The following ADGRE3 variants were observed in gnomAD, a reference collection of about 807,000 sequenced individuals.
The protein encoded by ADGRE3 is adhesion G protein-coupled receptor E3, also known as EGF-like module receptor 3.
Under a neutral mutation model 80.1 loss-of-function variants are expected in ADGRE3, and 88 were observed. That is an observed-to-expected ratio of 1.10 (90% CI 0.93 to 1.31). The LOEUF is 1.31. Ranked by LOEUF, ADGRE3 falls within the 40% of genes most tolerant of loss-of-function variation. The probability of loss-of-function intolerance (pLI) is 0.00; values close to 1 mark genes in which losing one functional copy is unlikely to be tolerated. For missense variants in ADGRE3, 715 were observed against 776.5 expected (o/e 0.92, Z 0.94); for synonymous variants, 281 against 294.8 (o/e 0.95, Z 0.48).
chr19:14,636,167 CTTTCCT>C (rs1568481528), intron 11 of ADGRE3, among the ~76,000 whole-genome samples: 7 of 29,648 alleles, frequency 2.4e-4, no homozygotes, highest in Admixed American at 4.7e-4. Flanking sequence ...TCCTCCTTTC[CTTTCCT>C]TTCCTTCCTC....
chr19:14,643,543 C>T (rs1971312310), intron 9 of ADGRE3, among the ~76,000 whole-genome samples: 1 of 152,132 alleles, frequency 6.6e-6, no homozygotes, highest in Admixed American at 6.6e-5. Flanking sequence ...AATACACACC[C>T]TGAACACCAA....
the ADGRE3 span, chr19:14,610,497 G>T: frequency 5.6e-6 from 2 of 358,912 alleles, no homozygotes; most frequent in Non-Finnish European, 5.3e-6. Context: ...CTCTTGGGAA[G>T]TGATACTAGC....
At chr19:14,633,508 C>A (rs891275355) in intron 11 of ADGRE3, among the ~76,000 whole-genome samples, 2 of 151,802 alleles carry the variant, frequency 1.3e-5, no homozygotes, top group Admixed American at 6.6e-5. Context: ...AGCTTGAGAC[C>A]ATCCTGGCTA....
intron 11 of ADGRE3, among the ~76,000 whole-genome samples, chr19:14,635,169 T>C (rs1233633179): frequency 1.3e-5 from 2 of 152,196 alleles, no homozygotes; most frequent in Non-Finnish European, 2.9e-5. Flanking sequence ...CTATCACAAC[T>C]TACTGCAACC....
At chr19:14,614,847 G>A (rs539192340), downstream of ADGRE3, among the ~76,000 whole-genome samples, 1 of 150,402 alleles carries the variant, frequency 6.6e-6, no homozygotes, top group South Asian at 2.1e-4. Context: ...AACGTGCTGC[G>A]TGCTGGGATT....
the ADGRE3 span, among the ~76,000 whole-genome samples, chr19:14,607,411 G>C: frequency 1.3e-5 from 2 of 151,736 alleles, no homozygotes; most frequent in South Asian, 4.2e-4. Flanking sequence ...CACCGTGTTA[G>C]CCAGGATGGT....
intron 14 of ADGRE3, among the ~76,000 whole-genome samples, chr19:14,629,004 C>T (rs2146809617): frequency 6.6e-6 from 1 of 152,072 alleles, no homozygotes; most frequent in East Asian, 1.9e-4. Flanking sequence ...CTCACTGCAG[C>T]CTCTGCCTCC....
the ADGRE3 span, chr19:14,610,262 T>C: frequency 6.5e-7 from 1 of 1,534,576 alleles, no homozygotes. Context: ...TCCTGCCCTT[T>C]CGTGGACGGC....
chr19:14,665,936 G>GTATATATATATATATATATATATATA (rs71309616), intron 2 of ADGRE3, among the ~76,000 whole-genome samples: 1 of 42,092 alleles, frequency 2.4e-5, no homozygotes, highest in Non-Finnish European at 4.0e-5. Context: ...ACACATATGT[G>GTATATATATATATATATATATATATA]TATATATATA....
chr19:14,613,688 T>TA, the ADGRE3 span, among the ~76,000 whole-genome samples: 4 of 151,050 alleles, frequency 2.6e-5, no homozygotes, highest in African/African-American at 9.8e-5. Context: ...ATTTCGTTAT[T>TA]AAAAAAATTT....
Position 14,636,109 on chromosome 19 carries a change from T to TCTTTCTTC in ADGRE3, c.1484+1995_1484+1996insGAAGAAAG, listed in dbSNP as rs1971061699. Among the ~76,000 whole-genome samples the TCTTTCTTC allele has an allele frequency of 3.5e-5, 2 of 56,858 alleles. 1 individual carries two copies. Among genetic ancestry groups the TCTTTCTTC allele is most frequent in the East Asian group, 8.2e-4 (2 of 2,428 alleles). 37.3% of individuals were successfully genotyped at this position (56,858 alleles called of 152,430 possible). ...TTCTTTCTTTCTTTCTTTCTTTCTT[T>TCTTTCTTC]CTTTCTTTCTTTCTTTCTTTCTTTC... On this transcript the variant is annotated intron_variant, in intron 11 of 15. Transcript: ENST00000253673.
Position 14,630,112 on chromosome 19 carries a change from G to A in ADGRE3, c.1739C>T (p.Ala580Val). 6.2e-7 allele frequency: 1 copy of A among 1,613,282 alleles called. No individual in the cohort carries two copies. The highest frequency in any genetic ancestry group is 8.5e-7 in the Non-Finnish European group (1 of 1,179,368). ...GCTGTTGATGATGGTGAAGAGGTAG[G>A]CCATGACCTGGGCAGCTGGACCCAC... ...LQVGPAAQVM[A>V]YLFTIINSLQ... The change falls in exon 14 of 16, where the codon GCC (alanine) becomes GTC (valine). Residue 580 changes from alanine to valine, a missense_variant. Coordinates refer to ENST00000253673, the MANE Select transcript of ADGRE3 (RefSeq NM_032571.5).
At chr19:14,617,220 T>TTCTTTTC (rs1555752210), downstream of ADGRE3, among the ~76,000 whole-genome samples, 1 of 150,668 alleles carries the variant, frequency 6.6e-6, no homozygotes, top group Non-Finnish European at 1.5e-5. Context: ...TTTTCCTTCC[T>TTCTTTTC]TCTTTTCTTT....
the ADGRE3 span, chr19:14,606,953 TGTA>T: frequency 2.7e-5 from 29 of 1,088,618 alleles, no homozygotes; most frequent in Non-Finnish European, 3.0e-5. Flanking sequence ...CTGAGGGTCA[TGTA>T]GAGGAATGGC....
At position 14,662,053 on chromosome 19, in the gene ADGRE3, C is replaced by A. The variant is rs61729085; in HGVS notation, c.265G>T (p.Glu89Ter). The change falls in exon 4 of 16, where the codon GAA (glutamate) becomes TAA (stop). Residue 89 changes from glutamate (E) to a stop codon, truncating the protein, a stop_gained. Transcript: ENST00000253673. LOFTEE classifies it high-confidence loss of function. ...CGFNAVCYNV[E>*]GSFYCQCVPG... ...ACACATTGACAGTAGAAACTTCCTT[C>A]GACATTGTAACACACAGCGTTAAAT... is the stretch of plus-strand genomic sequence containing the variant. The A allele has an allele frequency of 6.2e-7, 1 of 1,614,052 alleles. No individual in the cohort carries two copies. The highest frequency in any genetic ancestry group is 8.5e-7 in the Non-Finnish European group (1 of 1,179,914).
chr19:14,664,937 T>A (rs1300574056), intron 2 of ADGRE3, among the ~76,000 whole-genome samples: 1 of 152,264 alleles, frequency 6.6e-6, no homozygotes, highest in African/African-American at 2.4e-5. Context: ...TACACACATA[T>A]GTGCATCATT....
Position 14,644,153 on chromosome 19 carries a change from G to A in ADGRE3, c.1005C>T (p.Cys335=). The change falls in exon 9 of 16, where the codon TGC becomes TGT. Residue 335 remains cysteine (C), a synonymous_variant. Coordinates refer to ENST00000253673, the MANE Select transcript of ADGRE3 (RefSeq NM_032571.5). ...HVNKSHTMCN[C]SHLSSFAVLM... is the part of the protein sequence containing the mutation. ...GGACAGCGAAGCTGGACAGGTGACT[G>A]CAATTACACATGGTGTGACTCTTGT... is the stretch of plus-strand genomic sequence containing the variant. 6.3e-7 allele frequency: 1 copy of A among 1,597,182 alleles called. No individual in the cohort carries two copies. The highest frequency in any genetic ancestry group is 1.1e-5 in the South Asian group (1 of 88,362).
chr19:14,604,938 C>T, the ADGRE3 span, among the ~76,000 whole-genome samples: 114 of 152,076 alleles, frequency 7.5e-4, no homozygotes, highest in Non-Finnish European at 9.3e-4. Context: ...AAAGCTGGGG[C>T]GAGTGTTACT....
chr19:14,667,407 A>G (rs1270831014), intron 2 of ADGRE3, among the ~76,000 whole-genome samples: 1 of 151,430 alleles, frequency 6.6e-6, no homozygotes, highest in Non-Finnish European at 1.5e-5. Context: ...TTAGTGCAGC[A>G]CTATTCACAA....
Sources: gnomAD v4.1 joint callset for allele counts (sites outside exome capture counted in the v4.1 genomes callset) on GRCh38, gnomAD v4.1.1 for gene constraint, MANE v1.5 for transcripts, NCBI Gene and HGNC (gene_info 2026-07-23, HGNC 2026-07-21) for gene names.